CUX2: variants seen among roughly 807,000 people sequenced by gnomAD.
The protein encoded by CUX2 is cut like homeobox 2, also known as homeobox protein cut-like 2.
In CUX2, 40 loss-of-function variants were observed where a neutral mutation model predicts 144.8. That is an observed-to-expected ratio of 0.28 (90% CI 0.21 to 0.36). The LOEUF is 0.36. CUX2 is among the 10% of genes least tolerant of loss of function. The pLI is 1.00. For missense variants in CUX2, 1,615 were observed against 1,994.0 expected (o/e 0.81, Z 3.62); for synonymous variants, 827 against 875.6 (o/e 0.94, Z 0.98).
At chr12:111,071,296 G>A (rs2136030649) in intron 1 of CUX2, among the ~76,000 whole-genome samples, 1 of 152,246 alleles carries the variant, frequency 6.6e-6, no homozygotes, top group Middle Eastern at 3.4e-3. Flanking sequence ...TGTTATCAAT[G>A]TTCTGGATTT....
chr12:111,181,705 A>C (rs1445182561), intron 1 of CUX2, among the ~76,000 whole-genome samples: 1 of 152,216 alleles, frequency 6.6e-6, no homozygotes, highest in Non-Finnish European at 1.5e-5. Flanking sequence ...TACCGTTATA[A>C]CAAACAGTGG....
Position 111,278,597 on chromosome 12 carries a change from C to T in CUX2, c.302-12821C>T, listed in dbSNP as rs139911343. ...CTTATCACACATTTCAAACAACCCA[C>T]GTTAATTGAGCACCTACTATGTGAA... On this transcript the variant is annotated intron_variant, in intron 4 of 21. Coordinates refer to ENST00000261726, the MANE Select transcript of CUX2 (RefSeq NM_015267.4). 6.2e-3 allele frequency among the ~76,000 whole-genome samples: 946 copies of T among 152,256 alleles called. 4 individuals carry two copies. Among genetic ancestry groups the T allele is most frequent in the Middle Eastern group, 0.037 (11 of 294 alleles).
At chr12:111,076,663 C>T (rs1871552271) in intron 1 of CUX2, among the ~76,000 whole-genome samples, 1 of 152,194 alleles carries the variant, frequency 6.6e-6, no homozygotes, top group Admixed American at 6.5e-5. Flanking sequence ...GGGCTAGCCT[C>T]CTCCCAGGTT....
At position 111,295,481 on chromosome 12, in the gene CUX2, G is replaced by A. The variant is rs116256699; in HGVS notation, c.637+72G>A. On this transcript the variant is annotated intron_variant, in intron 7 of 21. Coordinates refer to ENST00000261726, the MANE Select transcript of CUX2 (RefSeq NM_015267.4). This position sits in a 1 kb window ranked among gnomAD's most constrained non-coding sequence, Gnocchi z 5.0. The stretch of plus-strand genomic sequence containing the variant: ...GGTAATGCTGTCAACGAGGGGTCAC[G>A]GCTTGGGGTCTGCCACATCCAGGTG... The A allele has an allele frequency of 3.2e-3, 4,262 of 1,349,116 alleles. 93 individuals carry two copies. In the African/African-American group the frequency reaches 0.052, roughly 17 times the overall value. The allele number at this position is 1,349,116 out of a possible 1,614,324, so 83.6% of individuals were successfully genotyped here.
chr12:111,339,861 G>C (rs1239911902), intron 20 of CUX2, among the ~76,000 whole-genome samples: 2 of 152,188 alleles, frequency 1.3e-5, no homozygotes, highest in Admixed American at 6.5e-5. Flanking sequence ...CCTCAAGCTA[G>C]TTACTGAAAA....
rs1180315104 is a variant in CUX2 at position 111,320,445 on chromosome 12, CTCT to C, written c.2437_2439del (p.Ser813del). On this transcript the variant is annotated inframe_deletion, in exon 17 of 22. Transcript: ENST00000261726. The surrounding 1 kb of genome is among the most constrained non-coding windows in gnomAD (Gnocchi z 8.1). Reference sequence around the variant, plus strand: ...CGCCCTCGCTGTCCTCCTCCTCCTCCTCTGGCTACTCTGGCCAGCCCAACGGCC... The same window carrying C: ...CGCCCTCGCTGTCCTCCTCCTCCTCCGGCTACTCTGGCCAGCCCAACGGCC... 9 of 1,592,902 alleles carry C rather than the reference CTCT, an allele frequency of 5.7e-6. No individual in the cohort carries two copies. Among genetic ancestry groups the C allele is most frequent in the Non-Finnish European group, 6.0e-6 (7 of 1,174,946 alleles).
At chr12:111,272,356 A>G (rs2136302682) in intron 4 of CUX2, among the ~76,000 whole-genome samples, 1 of 152,272 alleles carries the variant, frequency 6.6e-6, no homozygotes, top group Middle Eastern at 3.4e-3. Flanking sequence ...AGTTAGTCCC[A>G]TAATGGTCAG....
intron 10 of CUX2, among the ~76,000 whole-genome samples, chr12:111,305,049 T>C (rs1257775699): frequency 6.6e-6 from 1 of 152,232 alleles, no homozygotes; most frequent in Non-Finnish European, 1.5e-5. Flanking sequence ...GATTAATCAA[T>C]TCATCTTTCT....
intron 1 of CUX2, among the ~76,000 whole-genome samples, chr12:111,103,243 G>T (rs1037393895): frequency 8.5e-5 from 13 of 152,282 alleles, no homozygotes; most frequent in African/African-American, 3.1e-4. Flanking sequence ...GTGGCTAACG[G>T]GTGATTGGGT....
At chr12:111,169,532 C>A in intron 1 of CUX2, among the ~76,000 whole-genome samples, 1 of 152,224 alleles carries the variant, frequency 6.6e-6, no homozygotes, top group East Asian at 1.9e-4. Flanking sequence ...CATTCTTCCA[C>A]CCTCAGCGGG....
At chr12:111,201,752 C>A (rs1880611485) in intron 1 of CUX2, among the ~76,000 whole-genome samples, 1 of 152,208 alleles carries the variant, frequency 6.6e-6, no homozygotes, top group South Asian at 2.1e-4. Context: ...CACAGACTTT[C>A]TTCCCACCCC....
At chr12:111,137,071 G>C (rs1875939130) in intron 1 of CUX2, among the ~76,000 whole-genome samples, 1 of 151,792 alleles carries the variant, frequency 6.6e-6, no homozygotes, top group African/African-American at 2.4e-5. Context: ...CCGAGTAGGT[G>C]GGACCACAGG....
intron 3 of CUX2, among the ~76,000 whole-genome samples, chr12:111,250,459 A>T (rs896602255): frequency 6.6e-6 from 1 of 152,192 alleles, no homozygotes; most frequent in Non-Finnish European, 1.5e-5. Flanking sequence ...GGAGGCTCAG[A>T]TGCGCTAATT....
At chr12:111,081,010 A>G (rs528650504) in intron 1 of CUX2, among the ~76,000 whole-genome samples, 1 of 152,188 alleles carries the variant, frequency 6.6e-6, no homozygotes, top group Non-Finnish European at 1.5e-5. Context: ...AAATTATTCA[A>G]TACATAGGAG....
chr12:111,085,219 T>G (rs1264938283), intron 1 of CUX2, among the ~76,000 whole-genome samples: 2 of 152,188 alleles, frequency 1.3e-5, no homozygotes, highest in East Asian at 3.8e-4. Context: ...GCTGACTGTG[T>G]GTGTCTCTTC....
Position 111,320,515 on chromosome 12 carries a change from G to C in CUX2, c.2506G>C (p.Asp836His), listed in dbSNP as rs754610110. ...GGACGAGGCCCCTGTGCCCCCCGAG[G>C]ACGAGGCGGCGGCAGGGGCGGAGGA... is the stretch of plus-strand genomic sequence containing the variant. ...RGDEAPVPPE[D>H]EAAAGAEDEP... is the part of the protein sequence containing the mutation. Residue 836 changes from aspartate (D) to histidine (H), a missense_variant, in exon 17 of 22, where the codon GAC (aspartate) becomes CAC (histidine). By Grantham distance (81) the Asp-to-His change is moderately conservative. Coordinates refer to ENST00000261726, the MANE Select transcript of CUX2 (RefSeq NM_015267.4). The surrounding 1 kb of genome is among the most constrained non-coding windows in gnomAD (Gnocchi z 8.1). The C allele has an allele frequency of 6.4e-7, 1 of 1,573,966 alleles. No individual in the cohort carries two copies. Among genetic ancestry groups the C allele is most frequent in the South Asian group, 1.1e-5 (1 of 88,674 alleles).
At chr12:111,199,380 C>G (rs2136206030) in intron 1 of CUX2, among the ~76,000 whole-genome samples, 1 of 152,314 alleles carries the variant, frequency 6.6e-6, no homozygotes, top group Middle Eastern at 3.4e-3. Flanking sequence ...CCAGCCCCAT[C>G]TCTCTAGCTG....
chr12:111,295,363 G>A lies in CUX2; in HGVS notation c.591G>A (p.Ala197=), dbSNP rs373930409. The A allele has an allele frequency of 1.4e-5, 22 of 1,613,112 alleles. No homozygotes were observed. Among genetic ancestry groups the A allele is most frequent in the East Asian group, 6.7e-5 (3 of 44,838 alleles). The stretch of plus-strand genomic sequence containing the variant: ...TTCAAGAAGTACAGATCACTTTGGC[G>A]GCCAGACTGGGGGAGGCAGAGGAGA... ...KGLQEVQITL[A]ARLGEAEEKI... The change falls in exon 7 of 22, where the codon GCG becomes GCA. Residue 197 remains alanine (A), a synonymous_variant. Transcript: ENST00000261726. This position sits in a 1 kb window ranked among gnomAD's most constrained non-coding sequence, Gnocchi z 5.0.
At chr12:111,331,018 T>C (rs1888099450) in intron 18 of CUX2, among the ~76,000 whole-genome samples, 1 of 151,542 alleles carries the variant, frequency 6.6e-6, no homozygotes, top group South Asian at 2.1e-4. Context: ...GTCCTCAGGA[T>C]GGCAAGACCA....
Sources: allele counts gnomAD v4.1 joint callset (sites outside exome capture counted in the v4.1 genomes callset), GRCh38; gene constraint gnomAD v4.1.1; non-coding constraint Gnocchi (gnomAD v3.1); transcripts MANE v1.5; gene names NCBI Gene and HGNC (gene_info 2026-07-23, HGNC 2026-07-21).